The following PDZRN4 variants were observed in gnomAD, a reference collection of about 807,000 sequenced individuals.
PDZRN4 encodes PDZ domain containing ring finger 4.
A neutral mutation model predicts 99.0 loss-of-function variants in PDZRN4; 70 were observed. The ratio of observed to expected loss-of-function variants is 0.71; its 90% CI spans 0.58 to 0.86. The LOEUF (loss-of-function observed/expected upper bound fraction) is 0.86, where lower values mean the gene tolerates loss of function less well. Among genes scored for constraint, PDZRN4 ranks in the 40% least tolerant of loss-of-function variants. The probability of loss-of-function intolerance (pLI) is 0.00; values close to 1 mark genes in which losing one functional copy is unlikely to be tolerated. For synonymous variants in PDZRN4, 551 were observed against 501.6 expected, an observed-to-expected ratio of 1.10 and a Z score of -1.32; for missense variants, 1,474 against 1,331.2, an observed-to-expected ratio of 1.11 and a Z score of -1.67.
chr12:41,461,135 C>G (rs957369108), intron 3 of PDZRN4, among the ~76,000 whole-genome samples: 5 of 152,084 alleles, frequency 3.3e-5, no homozygotes, highest in Non-Finnish European at 7.4e-5. Flanking sequence ...CGTGATTCTA[C>G]CAACCAAACA....
chr12:41,202,965 A>G (rs1950827106), intron 3 of PDZRN4, among the ~76,000 whole-genome samples: 1 of 152,046 alleles, frequency 6.6e-6, no homozygotes, highest in African/African-American at 2.4e-5. Flanking sequence ...ATTGCATTGA[A>G]GCTAAGGGAA....
At chr12:41,241,161 G>A (rs964442051) in intron 3 of PDZRN4, among the ~76,000 whole-genome samples, 1 of 151,964 alleles carries the variant, frequency 6.6e-6, no homozygotes, top group Admixed American at 6.6e-5. Flanking sequence ...ACCTTTATGG[G>A]TACAGTATCC....
intron 3 of PDZRN4, among the ~76,000 whole-genome samples, chr12:41,303,695 G>T (rs987027512): frequency 2.6e-5 from 4 of 152,180 alleles, no homozygotes; most frequent in African/African-American, 7.2e-5. Context: ...TGATTGAAAA[G>T]ATTCTTGCAG....
chr12:41,529,006 C>A (rs985848219), intron 5 of PDZRN4, among the ~76,000 whole-genome samples: 2 of 152,116 alleles, frequency 1.3e-5, no homozygotes, highest in Non-Finnish European at 2.9e-5. Flanking sequence ...TTATAGTACT[C>A]AAATTGGCTT....
intron 3 of PDZRN4, among the ~76,000 whole-genome samples, chr12:41,497,916 A>G (rs1339931867): frequency 6.6e-6 from 1 of 152,118 alleles, no homozygotes; most frequent in African/African-American, 2.4e-5. Context: ...ATTATTTGTG[A>G]ACTCTAAATG....
At chr12:41,466,771 T>A (rs11180931) in intron 3 of PDZRN4, among the ~76,000 whole-genome samples, 4 of 106,640 alleles carry the variant, frequency 3.8e-5, no homozygotes, top group Non-Finnish European at 5.9e-5. Context: ...TTTTTTTTGG[T>A]TTTGTTTTGT....
At chr12:41,476,720 G>C (rs1177890721) in intron 3 of PDZRN4, among the ~76,000 whole-genome samples, 1 of 152,196 alleles carries the variant, frequency 6.6e-6, no homozygotes, top group Non-Finnish European at 1.5e-5. Flanking sequence ...AAAGGAAATT[G>C]ACAAGCCTGA....
chr12:41,334,055 C>T (rs997410377), intron 3 of PDZRN4, among the ~76,000 whole-genome samples: 1 of 152,092 alleles, frequency 6.6e-6, no homozygotes, highest in Admixed American at 6.6e-5. Flanking sequence ...ACTCTATTGG[C>T]AGTATTTTTG....
chr12:41,501,638 G>GAAAGA (rs1423747828), intron 3 of PDZRN4, among the ~76,000 whole-genome samples: 2 of 152,194 alleles, frequency 1.3e-5, no homozygotes, highest in East Asian at 3.9e-4. Flanking sequence ...ATTGATCACT[G>GAAAGA]AAAAGTGATT....
intron 5 of PDZRN4, among the ~76,000 whole-genome samples, chr12:41,531,709 C>T (rs1017429468): frequency 2.0e-5 from 3 of 152,234 alleles, no homozygotes; most frequent in Admixed American, 2.0e-4. Flanking sequence ...GTTTTCTACA[C>T]AGCACTTCCG....
At chr12:41,258,974 G>C (rs180887669) in intron 3 of PDZRN4, among the ~76,000 whole-genome samples, 135 of 151,970 alleles carry the variant, frequency 8.9e-4, no homozygotes, top group Non-Finnish European at 1.5e-3. Context: ...ATGGCGGGGG[G>C]GCACTACAAT....
intron 3 of PDZRN4, among the ~76,000 whole-genome samples, chr12:41,384,462 T>C (rs1952151387): frequency 6.6e-6 from 1 of 152,192 alleles, no homozygotes; most frequent in Non-Finnish European, 1.5e-5. Flanking sequence ...AAATTAATAC[T>C]GTCTTCAAAG....
chr12:41,388,708 T>A (rs767956412), intron 3 of PDZRN4, among the ~76,000 whole-genome samples: 4 of 152,256 alleles, frequency 2.6e-5, no homozygotes, highest in Non-Finnish European at 5.9e-5. Flanking sequence ...AGATTCAGGA[T>A]TGGATTTTGT....
At position 41,438,515 on chromosome 12, in the gene PDZRN4, T is replaced by C. The variant is rs576613087; in HGVS notation, c.844-67941T>C. 3.9e-5 allele frequency among the ~76,000 whole-genome samples: 6 copies of C among 152,282 alleles called. No individual in the cohort carries two copies. In the East Asian group the frequency reaches 1.2e-3, roughly 29 times the overall value. On this transcript the variant is annotated intron_variant, in intron 3 of 9. Coordinates refer to ENST00000402685, the MANE Select transcript of PDZRN4 (RefSeq NM_001164595.2). ...AAGAGGAAGACCTAGTAATTTTGTATTACATGAGGAAAAAATATATGCTAT... is the reference window on the plus strand; with the variant it reads ...AAGAGGAAGACCTAGTAATTTTGTACTACATGAGGAAAAAATATATGCTAT...
At chr12:41,286,550 C>T (rs1173211070) in intron 3 of PDZRN4, among the ~76,000 whole-genome samples, 1 of 152,114 alleles carries the variant, frequency 6.6e-6, no homozygotes, top group South Asian at 2.1e-4. Flanking sequence ...ATGGCTGTTT[C>T]ACAATCCCAT....
At chr12:41,326,155 T>TGCATA (rs5797726) in intron 3 of PDZRN4, among the ~76,000 whole-genome samples, 2 of 149,646 alleles carry the variant, frequency 1.3e-5, no homozygotes, top group Middle Eastern at 3.4e-3. Flanking sequence ...GGCTAATTTT[T>TGCATA]TTTTTAGAGA....
intron 3 of PDZRN4, among the ~76,000 whole-genome samples, chr12:41,241,945 G>A (rs77955419): frequency 6.6e-6 from 1 of 152,218 alleles, no homozygotes; most frequent in African/African-American, 2.4e-5. Flanking sequence ...GCCAGATTTA[G>A]AAGATAGAAT....
intron 3 of PDZRN4, among the ~76,000 whole-genome samples, chr12:41,206,833 G>T (rs1370520217): frequency 6.6e-5 from 10 of 151,848 alleles, no homozygotes. Flanking sequence ...TTCTCTCGGA[G>T]AAAGAGAAGT....
rs147190392 is a variant in PDZRN4 at position 41,362,326 on chromosome 12, T to G, written c.844-144130T>G. 1.0e-3 allele frequency among the ~76,000 whole-genome samples: 155 copies of G among 152,096 alleles called. 1 individual carries two copies. The highest frequency in any genetic ancestry group is 3.2e-3 in the African/African-American group (133 of 41,536). ...TACTTCTCAATGTGGGAGAATTTATTTTGATCCACATTAGAGAAGAGAATC... is the reference window on the plus strand; with the variant it reads ...TACTTCTCAATGTGGGAGAATTTATGTTGATCCACATTAGAGAAGAGAATC... On this transcript the variant is annotated intron_variant, in intron 3 of 9. Coordinates refer to ENST00000402685, the MANE Select transcript of PDZRN4 (RefSeq NM_001164595.2).
Sources: allele counts gnomAD v4.1 joint callset (sites outside exome capture counted in the v4.1 genomes callset), GRCh38; gene constraint gnomAD v4.1.1; transcripts MANE v1.5; gene names NCBI Gene and HGNC (gene_info 2026-07-23, HGNC 2026-07-21).